CSMD3: variants seen among roughly 807,000 people sequenced by gnomAD.
The protein encoded by CSMD3 is CUB and sushi domain-containing protein 3.
A neutral mutation model predicts 435.2 loss-of-function variants in CSMD3; 177 were observed. The ratio of observed to expected loss-of-function variants is 0.41; its 90% confidence interval spans 0.36 to 0.46. The LOEUF (loss-of-function observed/expected upper bound fraction) is 0.46. Among genes scored for constraint, CSMD3 ranks in the 20% least tolerant of loss-of-function variants. The pLI is 0.34. For synonymous variants in CSMD3, 1,656 were observed against 1,520.5 expected, an observed-to-expected ratio of 1.09 and a Z score of -2.07; for missense variants, 4,265 against 4,504.6, an observed-to-expected ratio of 0.95 and a Z score of 1.52.
At chr8:112,872,710 A>G (rs1223105953) in intron 10 of CSMD3, among the ~76,000 whole-genome samples, 1 of 152,044 alleles carries the variant, frequency 6.6e-6, no homozygotes, top group African/African-American at 2.4e-5. Context: ...TAAGTCACCA[A>G]TAAAAATAAG....
intron 3 of CSMD3, among the ~76,000 whole-genome samples, chr8:113,266,700 T>C (rs757898724): frequency 1.8e-4 from 28 of 151,762 alleles, no homozygotes; most frequent in Middle Eastern, 6.9e-3. Context: ...TGAATTAAAA[T>C]GTGAGAATGA....
At chr8:112,893,421 T>G (rs1046497660) in intron 10 of CSMD3, among the ~76,000 whole-genome samples, 5 of 151,438 alleles carry the variant, frequency 3.3e-5, no homozygotes, top group Non-Finnish European at 5.9e-5. Context: ...CCAACAATAA[T>G]GCAATTAAAT....
intron 3 of CSMD3, among the ~76,000 whole-genome samples, chr8:113,277,293 T>C (rs971146890): frequency 6.6e-6 from 1 of 152,032 alleles, no homozygotes; most frequent in Non-Finnish European, 1.5e-5. Context: ...CAACGATTAT[T>C]ACTATCACCG....
At chr8:113,223,629 A>C (rs1341550864) in intron 3 of CSMD3, among the ~76,000 whole-genome samples, 1 of 148,726 alleles carries the variant, frequency 6.7e-6, no homozygotes, top group East Asian at 2.0e-4. Context: ...ATACATATAT[A>C]TATATATATT....
intron 9 of CSMD3, among the ~76,000 whole-genome samples, chr8:112,934,223 T>C (rs1350035468): frequency 1.3e-5 from 2 of 152,098 alleles, no homozygotes; most frequent in African/African-American, 2.4e-5. Flanking sequence ...ACTCTGACAG[T>C]GGTTGGAGAA....
intron 9 of CSMD3, among the ~76,000 whole-genome samples, chr8:112,942,672 G>A (rs1485013101): frequency 6.6e-6 from 1 of 151,696 alleles, no homozygotes; most frequent in Admixed American, 6.6e-5. Context: ...AGTACACGTG[G>A]ACACAAAGAA....
intron 22 of CSMD3, among the ~76,000 whole-genome samples, chr8:112,593,411 C>A (rs144169671): frequency 1.3e-5 from 2 of 152,080 alleles, no homozygotes; most frequent in African/African-American, 4.8e-5. Context: ...GAGACAAGTT[C>A]GATGTGGGGG....
At chr8:112,708,876 G>T (rs1250173015) in intron 13 of CSMD3, among the ~76,000 whole-genome samples, 2 of 151,946 alleles carry the variant, frequency 1.3e-5, no homozygotes, top group East Asian at 3.9e-4. Flanking sequence ...CAAATGTGCT[G>T]CTCACACTAA....
At chr8:112,537,511 G>C (rs193044112) in intron 27 of CSMD3, among the ~76,000 whole-genome samples, 50 of 151,974 alleles carry the variant, frequency 3.3e-4, no homozygotes, top group Admixed American at 1.9e-3. Context: ...AGAAAAGAGA[G>C]AAGCCTCAGG....
intron 3 of CSMD3, among the ~76,000 whole-genome samples, chr8:113,225,920 C>T (rs910468909): frequency 6.6e-6 from 1 of 151,446 alleles, no homozygotes; most frequent in East Asian, 1.9e-4. Context: ...ATCATGAAGG[C>T]TGTTCCCCCC....
intron 1 of CSMD3, among the ~76,000 whole-genome samples, chr8:113,382,158 A>C (rs1195660079): frequency 6.6e-6 from 1 of 152,178 alleles, no homozygotes; most frequent in East Asian, 1.9e-4. Context: ...ATAATTCTTT[A>C]AAGTATATAA....
At chr8:113,068,199 T>C (rs990649460) in intron 5 of CSMD3, among the ~76,000 whole-genome samples, 1 of 152,170 alleles carries the variant, frequency 6.6e-6, no homozygotes, top group Non-Finnish European at 1.5e-5. Flanking sequence ...AAAGCATATT[T>C]AGTGAATACT....
chr8:112,859,519 C>T (rs1173217830), intron 10 of CSMD3, among the ~76,000 whole-genome samples: 1 of 151,712 alleles, frequency 6.6e-6, no homozygotes, highest in Admixed American at 6.6e-5. Flanking sequence ...ATAAATGCTT[C>T]TCTGACTTTA....
chr8:112,810,419 T>C (rs1166526587), intron 12 of CSMD3, among the ~76,000 whole-genome samples: 1 of 152,104 alleles, frequency 6.6e-6, no homozygotes, highest in Non-Finnish European at 1.5e-5. Context: ...CTGCAAATGA[T>C]AAGTCTAATA....
intron 32 of CSMD3, among the ~76,000 whole-genome samples, chr8:112,455,569 T>G (rs1452468044): frequency 1.3e-5 from 2 of 150,412 alleles, no homozygotes; most frequent in African/African-American, 2.5e-5. Context: ...AAAATAAGAG[T>G]TGAAATTATA....
At chr8:112,630,371 C>A (rs1426406328) in intron 22 of CSMD3, among the ~76,000 whole-genome samples, 1 of 151,996 alleles carries the variant, frequency 6.6e-6, no homozygotes, top group Non-Finnish European at 1.5e-5. Context: ...AAAATATGAA[C>A]ATGACAGTCA....
intron 10 of CSMD3, among the ~76,000 whole-genome samples, chr8:112,899,602 TATATATATA>T (rs1564081638): frequency 3.5e-3 from 50 of 14,276 alleles, no homozygotes; most frequent in African/African-American, 0.013. Context: ...GTCTATTTTA[TATATATATA>T]TATATATATA....
chr8:113,408,936 G>T (rs144387314), intron 1 of CSMD3, among the ~76,000 whole-genome samples: 1 of 151,918 alleles, frequency 6.6e-6, no homozygotes, highest in Admixed American at 6.6e-5. Context: ...AAAGTGCTCC[G>T]TATAGGCCGG....
chr8:112,265,681 G>A (rs1273639686), intron 59 of CSMD3, 91 bp from the exon 60 acceptor site: 14 of 898,872 alleles, frequency 1.6e-5, no homozygotes, highest in Non-Finnish European at 2.4e-5. Context: ...TAATATATAA[G>A]CAGGAAAATT....
Sources: gnomAD v4.1 joint callset for allele counts (sites outside exome capture counted in the v4.1 genomes callset) on GRCh38, gnomAD v4.1.1 for gene constraint, MANE v1.5 for transcripts, NCBI Gene and HGNC (gene_info 2026-07-23, HGNC 2026-07-21) for gene names.